Variants in ULK2 observed in about 807,000 individuals in gnomAD.
The protein encoded by ULK2 is unc-51 like autophagy activating kinase 2.
Under a neutral mutation model 127.5 loss-of-function variants are expected in ULK2, and 76 were observed. The ratio of observed to expected loss-of-function variants is 0.60; its 90% confidence interval spans 0.50 to 0.72. The LOEUF (loss-of-function observed/expected upper bound fraction) is 0.72, where lower values mean the gene tolerates loss of function less well. Ranked by LOEUF, ULK2 falls within the 30% of genes least tolerant of loss-of-function variation. ULK2 has a pLI of 0.00. For missense variants in ULK2, 1,144 were observed against 1,295.9 expected, an observed-to-expected ratio of 0.88 and a Z score of 1.80; for synonymous variants, 452 against 461.9, an observed-to-expected ratio of 0.98 and a Z score of 0.28.
At position 19,801,777 on chromosome 17, in the gene ULK2, C is replaced by A. The variant is rs768978535; in HGVS notation, c.1441G>T (p.Val481Phe). The change falls in exon 16 of 27, where the codon GTT becomes TTT. Residue 481 changes from valine (V) to phenylalanine (F), a missense_variant and splice_region_variant. Val to Phe is a conservative substitution (Grantham distance 50). This residue lies in a region of ULK2 where 913 missense variants were observed against 970.5 expected (regional missense o/e 0.94). Transcript: ENST00000395544. ...SSRPYSPSPL[V>F]GTIPEQFSQC... is the part of the protein sequence containing the mutation. ...ACAACTGTTTTTAAACTCTACTTAC[C>A]CAAAGGGGAAGGTGAGTAAGGCCTA... is the stretch of plus-strand genomic sequence containing the variant. 2 of 1,612,802 alleles carry A rather than the reference C, an allele frequency of 1.2e-6. No individual in the cohort carries two copies. Among genetic ancestry groups the A allele is most frequent in the South Asian group, 2.2e-5 (2 of 90,918 alleles).
intron 12 of ULK2, among the ~76,000 whole-genome samples, chr17:19,824,462 A>G (rs1185936828): frequency 6.8e-6 from 1 of 147,814 alleles, no homozygotes; most frequent in African/African-American, 2.6e-5. Context: ...AAAAAAAAAA[A>G]AAAAAAAAAA....
intron 10 of ULK2, among the ~76,000 whole-genome samples, chr17:19,830,937 G>A (rs2041424413): frequency 6.7e-6 from 1 of 150,090 alleles, no homozygotes; most frequent in African/African-American, 2.5e-5. Context: ...TGAGACAGGA[G>A]AATCGCTTGA....
At chr17:19,776,616 C>T (rs574535941) in intron 26 of ULK2, among the ~76,000 whole-genome samples, 28 of 152,234 alleles carry the variant, frequency 1.8e-4, no homozygotes, top group African/African-American at 6.5e-4. Flanking sequence ...CTAGCTTGCT[C>T]ATAACTGCAA....
chr17:19,820,697 G>A (rs1366634321), intron 12 of ULK2, among the ~76,000 whole-genome samples: 2 of 152,182 alleles, frequency 1.3e-5, no homozygotes, highest in Non-Finnish European at 2.9e-5. Context: ...ACGCTTCTAT[G>A]ACTTCATGTA....
intron 20 of ULK2, among the ~76,000 whole-genome samples, chr17:19,790,173 T>C (rs887476262): frequency 6.6e-6 from 1 of 152,098 alleles, no homozygotes. Context: ...TCCTAGCAAT[T>C]TGGGAGGCCA....
Position 19,783,683 on chromosome 17 carries a change from A to G in ULK2, c.2460+14T>C. The stretch of plus-strand genomic sequence containing the variant: ...ATCAACATTACATTCACACCACTAT[A>G]GTCTCTTTTCTACCTCCATCAGCGT... On this transcript the variant is annotated intron_variant, in intron 22 of 26. Coordinates refer to ENST00000395544, the MANE Select transcript of ULK2 (RefSeq NM_014683.4). 6.7e-7 allele frequency: 1 copy of G among 1,486,200 alleles called. No homozygotes were observed. The highest frequency in any genetic ancestry group is 9.0e-7 in the Non-Finnish European group (1 of 1,113,756). 92.1% of individuals were successfully genotyped at this position (1,486,200 alleles called of 1,614,324 possible).
At chr17:19,792,225 CA>C (rs1295818761) in intron 20 of ULK2, among the ~76,000 whole-genome samples, 3 of 152,010 alleles carry the variant, frequency 2.0e-5, no homozygotes, top group African/African-American at 7.2e-5. Context: ...TAATAAAAAT[CA>C]GGGAACAAAT....
At chr17:19,829,335 A>C (rs1468903480) in intron 10 of ULK2, among the ~76,000 whole-genome samples, 1 of 152,090 alleles carries the variant, frequency 6.6e-6, no homozygotes, top group Non-Finnish European at 1.5e-5. Context: ...CAAGAGTTCT[A>C]GATCAGCCTG....
intron 15 of ULK2, 121 bp downstream of exon 15, chr17:19,804,572 G>T: frequency 2.9e-6 from 3 of 1,023,388 alleles, no homozygotes; most frequent in Non-Finnish European, 4.0e-6. Context: ...AATTTTGTGC[G>T]TTCCCATTAT....
intron 10 of ULK2, 133 bp downstream of exon 10, chr17:19,838,368 G>T: frequency 1.3e-6 from 1 of 750,090 alleles, no homozygotes; most frequent in Non-Finnish European, 2.2e-6. Flanking sequence ...AAATATTTAC[G>T]AAACCAGTGA....
At position 19,867,492 on chromosome 17, in the gene ULK2, G is replaced by A. The variant is rs185623331; in HGVS notation, c.-75C>T. On this transcript the variant is annotated 5_prime_UTR_variant, in exon 1 of 27. Transcript: ENST00000395544. Reference sequence around the variant, plus strand: ...GCAGGTATCAGCACCGCGGCTCCGCGGGCCCGGAGCGCGCCAGCGTGCGGC... The same window carrying A: ...GCAGGTATCAGCACCGCGGCTCCGCAGGCCCGGAGCGCGCCAGCGTGCGGC... 4 of 1,205,102 alleles carry A rather than the reference G, an allele frequency of 3.3e-6. No individual in the cohort carries two copies. In the African/African-American group the frequency reaches 4.9e-5, roughly 15 times the overall value. The allele number at this position is 1,205,102 out of a possible 1,614,324, so 74.7% of individuals were successfully genotyped here. A position where few individuals can be genotyped will look rare whatever the true frequency, so the allele number is the denominator to read the frequency against.
rs139993339 is a variant in ULK2, at chr17:19,867,453, C to G, written c.-36G>C. On this transcript the variant is annotated 5_prime_UTR_variant, in exon 1 of 27. Transcript: ENST00000395544. The stretch of plus-strand genomic sequence containing the variant: ...CCGGGGCACACAGCGGACGGGCGGG[C>G]GGCGCAGTGCGGCGCAGGTATCAGC... 5.5e-3 allele frequency: 8,428 copies of G among 1,541,610 alleles called. 35 individuals are homozygous for G. The highest frequency in any genetic ancestry group is 6.7e-3 in the Non-Finnish European group (7,647 of 1,138,204).
chr17:19,840,335 T>C (rs927727423), intron 9 of ULK2: 25 of 523,814 alleles, frequency 4.8e-5, no homozygotes, highest in African/African-American at 3.5e-4. Context: ...GTTGGACCTA[T>C]GCAAGATCAG....
At chr17:19,816,139 T>C (rs1327436462) in intron 13 of ULK2, among the ~76,000 whole-genome samples, 2 of 152,248 alleles carry the variant, frequency 1.3e-5, no homozygotes, top group Non-Finnish European at 2.9e-5. Context: ...GCACTTGATA[T>C]TATTCAATTA....
At chr17:19,838,716 C>A in intron 9 of ULK2, 133 bp from the exon 10 acceptor site, 1 of 703,516 alleles carries the variant, frequency 1.4e-6, no homozygotes, top group South Asian at 2.0e-5. Flanking sequence ...CCACGAAGAC[C>A]ATGTAAGAGT....
At chr17:19,780,650 G>T in intron 24 of ULK2, 21 bp from the exon 25 acceptor site, 2 of 1,586,142 alleles carry the variant, frequency 1.3e-6, no homozygotes, top group Admixed American at 1.8e-5. Context: ...ATTGAGATGG[G>T]AACTAATTTT....
At chr17:19,818,797 C>CTTTTTTTTTTTTTTTTTTTTTTTTT (rs71157835) in intron 12 of ULK2, among the ~76,000 whole-genome samples, 1 of 77,776 alleles carries the variant, frequency 1.3e-5, no homozygotes, top group Non-Finnish European at 2.5e-5. Context: ...TTTCTTTTTT[C>CTTTTTTTTTTTTTTTTTTTTTTTTT]TTTTTTTTTT....
rs62636615 is a variant in ULK2, at chr17:19,781,102, C to T, written c.2642G>A (p.Arg881Gln). The T allele has an allele frequency of 1.7e-3, 2,697 of 1,613,556 alleles. 35 individuals carry two copies. The African/African-American group carries it at 0.024, about 15-fold the overall frequency. Residue 881 changes from arginine (R) to glutamine (Q), a missense_variant and splice_region_variant, in exon 24 of 27, where the codon CGG (arginine) becomes CAG (glutamine). Coordinates refer to ENST00000395544, the MANE Select transcript of ULK2 (RefSeq NM_014683.4). ...QISQLSKDWGRVEQLVLYMKA... is the reference protein window; with the variant it reads ...QISQLSKDWGQVEQLVLYMKA... ...CATGTACAACACCAGCTGCTCCACC[C>T]GCCTGCACCCAAAAGACAGTAGCAG...
chr17:19,851,970 C>T (rs1214891069), intron 3 of ULK2, among the ~76,000 whole-genome samples: 2 of 144,264 alleles, frequency 1.4e-5, no homozygotes, highest in Admixed American at 7.2e-5. Context: ...CGCTTGAACC[C>T]GGGAGACAGA....
Sources: allele counts gnomAD v4.1 joint callset (sites outside exome capture counted in the v4.1 genomes callset), GRCh38; gene constraint gnomAD v4.1.1; regional missense constraint gnomAD v4.1.1; transcripts MANE v1.5; gene names NCBI Gene and HGNC (gene_info 2026-07-23, HGNC 2026-07-21).